The following ZNF638 variants were observed in gnomAD, a reference collection of about 807,000 sequenced individuals.
ZNF638 encodes the protein CTCL tumor antigen se33-1.
A neutral mutation model predicts 195.6 loss-of-function variants in ZNF638; 46 were observed. The observed-to-expected ratio is 0.24, with a 90% CI of 0.19 to 0.30. The LOEUF (loss-of-function observed/expected upper bound fraction) is 0.30. ZNF638 is among the 10% of genes least tolerant of loss of function. The pLI, the probability that ZNF638 is intolerant of heterozygous loss-of-function variation, is 1.00. For synonymous variants in ZNF638, 845 were observed against 772.0 expected (o/e 1.09, Z -1.57); for missense variants, 2,440 against 2,325.3 (o/e 1.05, Z -1.01).
intron 20 of ZNF638, 113 bp downstream of exon 20, chr2:71,408,360 T>C (rs2152583710): frequency 1.6e-6 from 2 of 1,278,574 alleles, no homozygotes; most frequent in South Asian, 3.3e-5. Flanking sequence ...TTTTATAATT[T>C]GTGTTGCAAT....
In ZNF638 at chr2:71,396,136, T is replaced by G; in HGVS notation, c.2378-5T>G. On this transcript the variant is annotated splice_polypyrimidine_tract_variant and splice_region_variant and intron_variant, in intron 10 of 27. Coordinates refer to ENST00000264447, the MANE Select transcript of ZNF638 (RefSeq NM_014497.5). ...AGTACTTAAATGTTTTTCTTGTTGT[T>G]TTAGCCAAAACTGGACAAGCCAAGG... is the stretch of plus-strand genomic sequence containing the variant. The G allele has an allele frequency of 6.2e-7, 1 of 1,612,400 alleles. No individual in the cohort carries two copies. Among genetic ancestry groups the G allele is most frequent in the Non-Finnish European group, 8.5e-7 (1 of 1,179,468 alleles).
chr2:71,408,013 T>G, intron 19 of ZNF638, 109 bp from the exon 20 acceptor site: 3 of 989,340 alleles, frequency 3.0e-6, no homozygotes, highest in Non-Finnish European at 4.4e-6. Flanking sequence ...AAGTATCGGC[T>G]TTCATTCCTT....
chr2:71,417,401 G>A (rs368333186), intron 20 of ZNF638, among the ~76,000 whole-genome samples: 11 of 150,872 alleles, frequency 7.3e-5, no homozygotes, highest in South Asian at 2.1e-4. Context: ...AGATGAACCC[G>A]GTACCTCAGA....
At chr2:71,417,696 T>C (rs555265411) in intron 20 of ZNF638, among the ~76,000 whole-genome samples, 2 of 151,992 alleles carry the variant, frequency 1.3e-5, no homozygotes, top group African/African-American at 2.4e-5. Context: ...CTTTTCTCCT[T>C]AATGGAAAGC....
At chr2:71,393,965 T>A (rs6759859) in intron 10 of ZNF638, among the ~76,000 whole-genome samples, 137,168 of 152,242 alleles carry the variant, frequency 0.9, 61,863 homozygotes, top group East Asian at 0.99. Context: ...GGCAAAGGAA[T>A]TGCCTTAACA....
chr2:71,430,887 T>A (rs6546692), intron 25 of ZNF638: 87,573 of 152,128 alleles, frequency 0.58, 28,392 homozygotes, highest in African/African-American at 0.88. Context: ...TTTACTTGTG[T>A]TTCTAACAGG....
intron 1 of ZNF638, among the ~76,000 whole-genome samples, chr2:71,344,951 A>G (rs2078825874): frequency 6.6e-6 from 1 of 152,226 alleles, no homozygotes; most frequent in Non-Finnish European, 1.5e-5. Context: ...ATTAAAAGTG[A>G]AAATTGTGCA....
intron 1 of ZNF638, among the ~76,000 whole-genome samples, chr2:71,342,072 A>G (rs887262519): frequency 6.6e-6 from 1 of 152,140 alleles, no homozygotes; most frequent in African/African-American, 2.4e-5. Flanking sequence ...CAAAATATCA[A>G]ACTGTTTAGT....
intron 10 of ZNF638, chr2:71,393,281 CAA>C (rs747903086): frequency 2.4e-4 from 147 of 620,800 alleles, no homozygotes; most frequent in Middle Eastern, 5.9e-4. Flanking sequence ...TAAAACCTCT[CAA>C]GACATAAAAC....
intron 10 of ZNF638, among the ~76,000 whole-genome samples, chr2:71,387,631 A>G (rs1327740513): frequency 6.7e-6 from 1 of 149,928 alleles, no homozygotes; most frequent in Non-Finnish European, 1.5e-5. Flanking sequence ...AGATCATGCC[A>G]CTCAGCCTGG....
In ZNF638 at chr2:71,365,666, G is replaced by T. The variant is rs758593821; in HGVS notation, c.1955G>T (p.Cys652Phe). The change falls in exon 6 of 28, where the codon TGT becomes TTT. Residue 652 changes from cysteine to phenylalanine, a missense_variant. By Grantham distance (205) the Cys-to-Phe change is radical. Coordinates refer to ENST00000264447, the MANE Select transcript of ZNF638 (RefSeq NM_014497.5). ...KNLEDDTLSE[C>F]KQVSDKAVSL... Reference sequence around the variant, plus strand: ...CTTGAAGATGACACTTTGTCAGAATGTAAACAGGTGTCTGATAAAGCTGTT... The same window carrying T: ...CTTGAAGATGACACTTTGTCAGAATTTAAACAGGTGTCTGATAAAGCTGTT... 9 of 1,613,794 alleles carry T rather than the reference G, an allele frequency of 5.6e-6. No individual in the cohort carries two copies. Among genetic ancestry groups the T allele is most frequent in the Middle Eastern group, 1.6e-4 (1 of 6,062 alleles).
At chr2:71,406,063 A>C (rs2080099541) in intron 18 of ZNF638, 65 bp from the exon 19 acceptor site, 2 of 1,577,878 alleles carry the variant, frequency 1.3e-6, no homozygotes, top group African/African-American at 1.4e-5. Context: ...AGTTAATGTT[A>C]ATCTGTTTTA....
At chr2:71,356,163 G>A (rs972001378) in intron 3 of ZNF638, among the ~76,000 whole-genome samples, 5 of 152,058 alleles carry the variant, frequency 3.3e-5, no homozygotes, top group African/African-American at 1.2e-4. Context: ...TTTAATTTTG[G>A]ACCTAAAGCT....
At position 71,385,602 on chromosome 2, in the gene ZNF638, A is replaced by G. The variant is rs564418533; in HGVS notation, c.2377+5037A>G. On this transcript the variant is annotated intron_variant, in intron 10 of 27. Transcript: ENST00000264447. ...GTGGTAGTCACACTGATCTACACCT[A>G]TGATAAAATTTCAGAGCTAAGTACA... Among the ~76,000 whole-genome samples the G allele has an allele frequency of 6.6e-5, 10 of 152,306 alleles. No individual in the cohort carries two copies. The East Asian group carries it at 9.6e-4, about 15-fold the overall frequency.
intron 10 of ZNF638, among the ~76,000 whole-genome samples, chr2:71,384,743 C>G (rs1347705793): frequency 6.6e-6 from 1 of 152,034 alleles, no homozygotes. Context: ...GTCCCCTTTT[C>G]TTTTTACCTT....
intron 2 of ZNF638, among the ~76,000 whole-genome samples, chr2:71,352,485 A>T (rs1168207920): frequency 2.6e-5 from 1 of 38,534 alleles, no homozygotes; most frequent in Non-Finnish European, 5.2e-5. Context: ...CTCAAAAAAA[A>T]TAAAAAAAAT....
At chr2:71,348,158 A>G (rs944439388) in intron 1 of ZNF638, among the ~76,000 whole-genome samples, 13 of 152,234 alleles carry the variant, frequency 8.5e-5, no homozygotes, top group Admixed American at 8.5e-4. Flanking sequence ...GCCATTGCAT[A>G]CTGTTTTCTT....
chr2:71,389,607 C>T (rs1053127780), intron 10 of ZNF638, among the ~76,000 whole-genome samples: 1 of 152,140 alleles, frequency 6.6e-6, no homozygotes, highest in African/African-American at 2.4e-5. Context: ...ATGCCAGTGT[C>T]CAACAACAAT....
At chr2:71,366,978 A>G (rs1277549067) in intron 6 of ZNF638, among the ~76,000 whole-genome samples, 1 of 152,208 alleles carries the variant, frequency 6.6e-6, no homozygotes, top group Non-Finnish European at 1.5e-5. Context: ...TAAGTCTTCA[A>G]GTATTTAGGT....
Sources: allele counts gnomAD v4.1 joint callset (sites outside exome capture counted in the v4.1 genomes callset), GRCh38; gene constraint gnomAD v4.1.1; transcripts MANE v1.5; gene names NCBI Gene and HGNC (gene_info 2026-07-23, HGNC 2026-07-21).